Variants in RBBP8 observed in about 807,000 individuals in gnomAD.
RBBP8 encodes the protein DNA endonuclease RBBP8.
RBBP8 carries 88 observed loss-of-function variants against 108.3 expected under a neutral mutation model. The observed-to-expected ratio is 0.81, with a 90% CI of 0.68 to 0.97. The LOEUF (loss-of-function observed/expected upper bound fraction) is 0.97, where lower values mean the gene tolerates loss of function less well. RBBP8 is among the 50% of genes least tolerant of loss of function. The pLI, the probability that RBBP8 is intolerant of heterozygous loss-of-function variation, is 0.00. For missense variants in RBBP8, 1,023 were observed against 1,049.0 expected (o/e 0.98, Z 0.34); for synonymous variants, 332 against 348.2 (o/e 0.95, Z 0.52).
chr18:22,968,654 TAAG>T, intron 4 of RBBP8, 149 bp from the exon 5 acceptor site: 1 of 625,564 alleles, frequency 1.6e-6, no homozygotes, highest in Non-Finnish European at 2.9e-6. Context: ...TCAGCCTATA[TAAG>T]AATATGTTAA....
chr18:22,967,058 G>C (rs1913664337), intron 4 of RBBP8, among the ~76,000 whole-genome samples: 1 of 151,874 alleles, frequency 6.6e-6, no homozygotes, highest in African/African-American at 2.4e-5. Context: ...TATTGGCTTA[G>C]TTATTGACTT....
intron 18 of RBBP8, among the ~76,000 whole-genome samples, chr18:23,022,560 C>T (rs2046363007): frequency 1.4e-5 from 2 of 145,196 alleles, no homozygotes; most frequent in African/African-American, 5.3e-5. Flanking sequence ...CAAGATTGTG[C>T]CATTGCACTC....
At chr18:23,012,223 A>AG in intron 16 of RBBP8, among the ~76,000 whole-genome samples, 1 of 151,064 alleles carries the variant, frequency 6.6e-6, no homozygotes, top group East Asian at 1.9e-4. Context: ...AAAAAAAAAA[A>AG]AAAAAAAACC....
intron 1 of RBBP8, chr18:22,934,659 C>G (rs1416080999): frequency 6.6e-6 from 1 of 151,592 alleles, no homozygotes; most frequent in African/African-American, 2.4e-5. Flanking sequence ...TCTCCTAATC[C>G]TATCCCTCCC....
intron 4 of RBBP8, among the ~76,000 whole-genome samples, chr18:22,965,396 G>A (rs913431557): frequency 2.6e-5 from 4 of 152,108 alleles, no homozygotes; most frequent in African/African-American, 9.7e-5. Context: ...CCTCGAAGAT[G>A]CCCTAATGTC....
At position 22,959,052 on chromosome 18, in the gene RBBP8, C is replaced by A. The variant is rs1912841228; in HGVS notation, c.248+9339C>A. 2.0e-5 allele frequency among the ~76,000 whole-genome samples: 3 copies of A among 152,082 alleles called. No homozygotes were observed. In the South Asian group the frequency reaches 6.2e-4, roughly 32 times the overall value. Reference sequence around the variant, plus strand: ...TTTTGTTCCAGGCACTGTTTTAGACCTTGGGGATACACCAGTGAATGTGAT... The same window carrying A: ...TTTTGTTCCAGGCACTGTTTTAGACATTGGGGATACACCAGTGAATGTGAT... On this transcript the variant is annotated intron_variant, in intron 4 of 18. Coordinates refer to ENST00000327155, the MANE Select transcript of RBBP8 (RefSeq NM_002894.3).
intron 16 of RBBP8, 45 bp downstream of exon 16, chr18:23,006,477 A>G: frequency 7.1e-7 from 1 of 1,400,800 alleles, no homozygotes; most frequent in South Asian, 1.2e-5. Flanking sequence ...TGGAAGTACA[A>G]TAGAGCTGTC....
rs1269726226 is a variant in RBBP8, at chr18:22,956,782, TC to T, written c.248+7070del. Reference sequence around the variant, plus strand: ...AATTAGATAATAAAAAGTTCTAAGTTCTAATTTTATGTGGCTCATTTATGTT... The same window carrying T: ...AATTAGATAATAAAAAGTTCTAAGTTTAATTTTATGTGGCTCATTTATGTT... On this transcript the variant is annotated intron_variant, in intron 4 of 18. Transcript: ENST00000327155. Among the ~76,000 whole-genome samples the T allele has an allele frequency of 3.3e-5, 5 of 152,302 alleles. No homozygotes were observed. The South Asian group carries it at 1.0e-3, about 32-fold the overall frequency.
chr18:23,001,103 TA>T (rs2045939405), intron 14 of RBBP8, among the ~76,000 whole-genome samples: 1 of 152,228 alleles, frequency 6.6e-6, no homozygotes, highest in Non-Finnish European at 1.5e-5. Context: ...ATCATGCCTT[TA>T]AACACTTTAT....
At chr18:22,951,935 T>A (rs1912083468) in intron 4 of RBBP8, among the ~76,000 whole-genome samples, 1 of 152,200 alleles carries the variant, frequency 6.6e-6, no homozygotes, top group Non-Finnish European at 1.5e-5. Flanking sequence ...TGGGGTGCTG[T>A]CTTAACTGAG....
At chr18:22,940,383 C>T (rs1422288751) in intron 2 of RBBP8, among the ~76,000 whole-genome samples, 4 of 146,964 alleles carry the variant, frequency 2.7e-5, no homozygotes, top group African/African-American at 7.6e-5. Context: ...TGCAGTGGCG[C>T]GATCTCGGCT....
At chr18:22,991,343 A>G (rs1004122310) in intron 10 of RBBP8, among the ~76,000 whole-genome samples, 4 of 152,188 alleles carry the variant, frequency 2.6e-5, no homozygotes, top group Non-Finnish European at 5.9e-5. Context: ...TTCGGGGTTT[A>G]TATTTCCCAA....
At chr18:22,918,788 T>A (rs2034933) in intron 3 of RBBP8, among the ~76,000 whole-genome samples, 76,442 of 151,876 alleles carry the variant, frequency 0.5, 21,838 homozygotes, top group Middle Eastern at 0.68. Context: ...TTTTTAAAAA[T>A]TTTTTGTAGA....
upstream of RBBP8, among the ~76,000 whole-genome samples, chr18:22,929,632 C>T (rs181780195): frequency 2.6e-5 from 4 of 152,036 alleles, no homozygotes; most frequent in Non-Finnish European, 4.4e-5. Context: ...GAGCCTCCCG[C>T]GGGCCTCCCA....
chr18:22,965,423 T>C (rs958670622), intron 4 of RBBP8, among the ~76,000 whole-genome samples: 2 of 152,162 alleles, frequency 1.3e-5, no homozygotes, highest in African/African-American at 4.8e-5. Context: ...TTTAGGTCTT[T>C]CCTGTCAGGT....
chr18:22,939,783 A>G (rs879809866), intron 2 of RBBP8, among the ~76,000 whole-genome samples: 2 of 152,198 alleles, frequency 1.3e-5, no homozygotes, highest in African/African-American at 2.4e-5. Context: ...AATGCAGTAT[A>G]CTATGTTATT....
At chr18:22,981,065 G>A (rs1452081124) in intron 6 of RBBP8, among the ~76,000 whole-genome samples, 1 of 133,622 alleles carries the variant, frequency 7.5e-6, no homozygotes, top group Non-Finnish European at 1.6e-5. Context: ...CTCCGACTCT[G>A]GGTTCACGCC....
At chr18:22,960,095 G>A (rs527438870) in intron 4 of RBBP8, among the ~76,000 whole-genome samples, 21 of 151,980 alleles carry the variant, frequency 1.4e-4, no homozygotes, top group Admixed American at 5.2e-4. Flanking sequence ...GGGTTTTACC[G>A]TGTTAGCCAG....
chr18:22,961,929 A>G (rs1913139401), intron 4 of RBBP8, among the ~76,000 whole-genome samples: 1 of 152,182 alleles, frequency 6.6e-6, no homozygotes, highest in South Asian at 2.1e-4. Flanking sequence ...AGAAATAGCC[A>G]GGTTTAGGGA....
Sources: gnomAD v4.1 joint callset for allele counts (sites outside exome capture counted in the v4.1 genomes callset) on GRCh38, gnomAD v4.1.1 for gene constraint, MANE v1.5 for transcripts, NCBI Gene and HGNC (gene_info 2026-07-23, HGNC 2026-07-21) for gene names.